DCBLD2: variants seen among roughly 807,000 people sequenced by gnomAD.
DCBLD2 encodes the protein discoidin, CUB and LCCL domain containing 2, also known as discoidin, CUB and LCCL domain-containing protein 2.
DCBLD2 carries 54 observed loss-of-function variants against 86.8 expected under a neutral mutation model. The ratio of observed to expected loss-of-function variants is 0.62; its 90% CI spans 0.50 to 0.78. The LOEUF is 0.78. DCBLD2 is among the 30% of genes least tolerant of loss of function. DCBLD2 has a pLI of 0.00. For missense variants in DCBLD2, 908 were observed against 954.2 expected, an observed-to-expected ratio of 0.95 and a Z score of 0.64; for synonymous variants, 354 against 341.3, an observed-to-expected ratio of 1.04 and a Z score of -0.41.
chr3:98,836,206 G>T (rs1246167408), intron 3 of DCBLD2, among the ~76,000 whole-genome samples: 1 of 143,416 alleles, frequency 7.0e-6, no homozygotes, highest in African/African-American at 2.6e-5. Flanking sequence ...CCTGCCGGCA[G>T]GTGCTCTGGT....
At chr3:98,864,507 T>C (rs556320209) in intron 2 of DCBLD2, among the ~76,000 whole-genome samples, 1 of 152,362 alleles carries the variant, frequency 6.6e-6, no homozygotes, top group Non-Finnish European at 1.5e-5. Flanking sequence ...ATATACACCA[T>C]GGAATACTAT....
intron 2 of DCBLD2, among the ~76,000 whole-genome samples, chr3:98,864,325 A>G (rs1234506898): frequency 6.6e-6 from 1 of 152,244 alleles, no homozygotes; most frequent in East Asian, 1.9e-4. Context: ...AACTTAAAAT[A>G]CCATTTGATC....
At chr3:98,892,261 G>A (rs1266051090) in intron 1 of DCBLD2, among the ~76,000 whole-genome samples, 1 of 152,052 alleles carries the variant, frequency 6.6e-6, no homozygotes, top group Non-Finnish European at 1.5e-5. Context: ...CATCTCCCAA[G>A]ATAAATGTAA....
chr3:98,884,422 A>G (rs1351984343), intron 1 of DCBLD2, among the ~76,000 whole-genome samples: 1 of 151,950 alleles, frequency 6.6e-6, no homozygotes, highest in Non-Finnish European at 1.5e-5. Context: ...AAAAACCACA[A>G]ATTTCCCCTG....
At position 98,811,178 on chromosome 3, in the gene DCBLD2, T is replaced by C. The variant is rs1343619751; in HGVS notation, c.1576+16A>G. ...ACAATACTATGTACTAGGCGTTCAT[T>C]TCCATGTTTGCATACCTTTGGTTAC... On this transcript the variant is annotated intron_variant, in intron 12 of 15. Transcript: ENST00000326840. 1.3e-6 allele frequency: 2 copies of C among 1,586,782 alleles called. No homozygotes were observed. The highest frequency in any genetic ancestry group is 1.7e-6 in the Non-Finnish European group (2 of 1,171,258).
At chr3:98,836,995 C>T (rs1314499853) in intron 3 of DCBLD2, among the ~76,000 whole-genome samples, 44 of 73,666 alleles carry the variant, frequency 6.0e-4, no homozygotes, top group Non-Finnish European at 6.8e-4. Flanking sequence ...GTAGGGGCGG[C>T]CGGGCAGAGG....
At chr3:98,869,371 A>C (rs1205996132) in intron 2 of DCBLD2, among the ~76,000 whole-genome samples, 1 of 152,212 alleles carries the variant, frequency 6.6e-6, no homozygotes, top group Non-Finnish European at 1.5e-5. Flanking sequence ...ATAGTTTACA[A>C]ATATTTTCTC....
intron 2 of DCBLD2, among the ~76,000 whole-genome samples, chr3:98,859,026 T>C (rs1354645932): frequency 1.3e-5 from 2 of 152,174 alleles, no homozygotes; most frequent in Admixed American, 6.5e-5. Flanking sequence ...ACTTCTGCCC[T>C]AATACCGCAC....
chr3:98,829,090 T>C (rs879540751), intron 3 of DCBLD2, among the ~76,000 whole-genome samples: 1 of 152,150 alleles, frequency 6.6e-6, no homozygotes, highest in African/African-American at 2.4e-5. Flanking sequence ...AAATTGACTA[T>C]GGTGATAACT....
At chr3:98,832,647 C>T (rs1218197406) in intron 3 of DCBLD2, among the ~76,000 whole-genome samples, 1 of 152,188 alleles carries the variant, frequency 6.6e-6, no homozygotes, top group Non-Finnish European at 1.5e-5. Context: ...AATGAACTCG[C>T]TTAGCATTTG....
intron 2 of DCBLD2, among the ~76,000 whole-genome samples, chr3:98,851,182 A>G (rs1164798655): frequency 6.6e-6 from 1 of 152,244 alleles, no homozygotes; most frequent in Non-Finnish European, 1.5e-5. Context: ...ACATGACTGT[A>G]TATTTAGAAA....
chr3:98,852,369 C>G (rs1942855568), intron 2 of DCBLD2, among the ~76,000 whole-genome samples: 1 of 152,088 alleles, frequency 6.6e-6, no homozygotes, highest in South Asian at 2.1e-4. Context: ...GTCTCAGCCT[C>G]CCAAGTAGCT....
At chr3:98,823,410 C>T (rs1942158447) in intron 4 of DCBLD2, among the ~76,000 whole-genome samples, 1 of 152,146 alleles carries the variant, frequency 6.6e-6, no homozygotes, top group Non-Finnish European at 1.5e-5. Context: ...CTCTATTGAT[C>T]CAATTTAAGC....
intron 2 of DCBLD2, among the ~76,000 whole-genome samples, chr3:98,853,760 G>C (rs190175116): frequency 2.0e-5 from 3 of 152,202 alleles, no homozygotes; most frequent in African/African-American, 4.8e-5. Context: ...CGAAACTTGA[G>C]AAATCTTATT....
chr3:98,843,405 C>T (rs1439516828), intron 3 of DCBLD2, among the ~76,000 whole-genome samples: 1 of 151,984 alleles, frequency 6.6e-6, no homozygotes, highest in Non-Finnish European at 1.5e-5. Context: ...GTACTGGAAA[C>T]AAAACAGATT....
At position 98,816,523 on chromosome 3, in the gene DCBLD2, T is replaced by C. The variant is rs563219227; in HGVS notation, c.1212+1246A>G. Among the ~76,000 whole-genome samples, 38 of 152,268 alleles carry C rather than the reference T, an allele frequency of 2.5e-4. No homozygotes were observed. The South Asian group carries it at 7.5e-3, about 30-fold the overall frequency. On this transcript the variant is annotated intron_variant, in intron 9 of 15. Transcript: ENST00000326840. Reference sequence around the variant, plus strand: ...AAGATATGTATGGAGACAGTATTGTTATTTTCTTTAACAGGGAGAGGCTCA... The same window carrying C: ...AAGATATGTATGGAGACAGTATTGTCATTTTCTTTAACAGGGAGAGGCTCA...
At chr3:98,870,678 G>A (rs1188801262) in intron 2 of DCBLD2, among the ~76,000 whole-genome samples, 94 of 129,864 alleles carry the variant, frequency 7.2e-4, no homozygotes, top group Admixed American at 7.9e-4. Flanking sequence ...GAGAGAGAGA[G>A]AAATAGAGAA....
chr3:98,835,938 C>CTTTCTTTCTTTT (rs56279917), intron 3 of DCBLD2, among the ~76,000 whole-genome samples: 99 of 115,058 alleles, frequency 8.6e-4, no homozygotes, highest in African/African-American at 1.5e-3. Context: ...TCCTTTCTTT[C>CTTTCTTTCTTTT]TTTTTTTTTT....
At chr3:98,890,189 A>C (rs1943633797) in intron 1 of DCBLD2, among the ~76,000 whole-genome samples, 1 of 152,058 alleles carries the variant, frequency 6.6e-6, no homozygotes, top group South Asian at 2.1e-4. Context: ...TTGCAAATGT[A>C]ATCAAGTTAA....
Sources: allele counts gnomAD v4.1 joint callset (sites outside exome capture counted in the v4.1 genomes callset), GRCh38; gene constraint gnomAD v4.1.1; transcripts MANE v1.5; gene names NCBI Gene and HGNC (gene_info 2026-07-23, HGNC 2026-07-21).